The following COL22A1 variants were observed in gnomAD, a reference collection of about 807,000 sequenced individuals.
COL22A1 encodes collagen alpha-1(XXII) chain.
COL22A1 carries 221 observed loss-of-function variants against 248.9 expected under a neutral mutation model. The observed-to-expected ratio is 0.89, with a 90% CI of 0.80 to 0.99. The LOEUF (loss-of-function observed/expected upper bound fraction) is 0.99. COL22A1 is among the 50% of genes least tolerant of loss of function. The pLI, the probability that COL22A1 is intolerant of heterozygous loss-of-function variation, is 0.00. For synonymous variants in COL22A1, 891 were observed against 793.4 expected, an observed-to-expected ratio of 1.12 and a Z score of -2.07; for missense variants, 2,240 against 2,179.0, an observed-to-expected ratio of 1.03 and a Z score of -0.56.
chr8:138,895,138 C>G (rs1322645544), intron 1 of COL22A1, among the ~76,000 whole-genome samples: 1 of 151,628 alleles, frequency 6.6e-6, no homozygotes, highest in East Asian at 1.9e-4. Flanking sequence ...CAGCCAGGAG[C>G]TGAACATCTA....
chr8:138,896,640 A>C (rs2132134227), intron 1 of COL22A1, among the ~76,000 whole-genome samples: 1 of 152,344 alleles, frequency 6.6e-6, no homozygotes, highest in South Asian at 2.1e-4. Flanking sequence ...CCTTAAAAAG[A>C]AGCACACAAT....
intron 5 of COL22A1, among the ~76,000 whole-genome samples, chr8:138,830,548 C>T (rs1819962213): frequency 6.6e-6 from 1 of 152,108 alleles, no homozygotes. Context: ...TGTGGAAATT[C>T]CTCCTCAGAG....
At chr8:138,778,746 C>T (rs1235662138) in intron 14 of COL22A1, among the ~76,000 whole-genome samples, 1 of 152,238 alleles carries the variant, frequency 6.6e-6, no homozygotes, top group Middle Eastern at 3.2e-3. Context: ...TCGGCCTCCC[C>T]ATGACCTGGG....
At chr8:138,692,024 G>T (rs574207461) in intron 35 of COL22A1, among the ~76,000 whole-genome samples, 1 of 150,072 alleles carries the variant, frequency 6.7e-6, no homozygotes, top group Non-Finnish European at 1.5e-5. Flanking sequence ...GGAGGTGTAT[G>T]CATGCGCGTG....
intron 3 of COL22A1, among the ~76,000 whole-genome samples, chr8:138,873,907 A>C (rs1586937426): frequency 6.6e-6 from 1 of 152,232 alleles, no homozygotes; most frequent in South Asian, 2.1e-4. Flanking sequence ...ATCAAAAAAA[A>C]CCCTGATATT....
chr8:138,873,746 TTGAATGAA>T (rs377320261), intron 3 of COL22A1, among the ~76,000 whole-genome samples: 5 of 152,088 alleles, frequency 3.3e-5, no homozygotes, highest in African/African-American at 7.2e-5. Context: ...AATGTGCTTG[TTGAATGAA>T]TGAATGAATG....
chr8:138,780,954 A>AG lies in COL22A1; in HGVS notation c.1622dup (p.Gly542TrpfsTer23), dbSNP rs1563754947. 6.2e-7 allele frequency: 1 copy of AG among 1,611,880 alleles called. No homozygotes were observed. Among genetic ancestry groups the AG allele is most frequent in the Non-Finnish European group, 8.5e-7 (1 of 1,179,280 alleles). On this transcript the variant is annotated frameshift_variant, in exon 13 of 65. Coordinates refer to ENST00000303045, the MANE Select transcript of COL22A1 (RefSeq NM_152888.3). LOFTEE classifies it high-confidence loss of function. ...TCATGCCTTTGCTGCCGTCTCTCCC[A>AG]GGGGGGCCGGGCAGGCCCAGGGAAC...
chr8:138,802,478 T>C (rs549005992), intron 11 of COL22A1, among the ~76,000 whole-genome samples: 1 of 151,702 alleles, frequency 6.6e-6, no homozygotes, highest in South Asian at 2.1e-4. Flanking sequence ...TGAGAACTCA[T>C]GAGCCAAGCA....
intron 16 of COL22A1, among the ~76,000 whole-genome samples, chr8:138,765,763 C>T (rs1417464451): frequency 1.3e-5 from 2 of 152,212 alleles, no homozygotes; most frequent in African/African-American, 4.8e-5. Flanking sequence ...CAGGACCCAG[C>T]TCAGCTTCCT....
Position 138,724,820 on chromosome 8 carries a change from G to C in COL22A1, c.2194-152C>G, listed in dbSNP as rs1203280805. On this transcript the variant is annotated intron_variant, in intron 24 of 64. Transcript: ENST00000303045. ...CCTTGGTCATCCGCTGTGAAACGCG[G>C]AGTTGTTGCACCTCTGAAGTTGACA... The C allele has an allele frequency of 4.2e-6, 3 of 706,272 alleles. No homozygotes were observed. In the African/African-American group the frequency reaches 5.3e-5, roughly 12 times the overall value. 43.8% of individuals were successfully genotyped at this position (706,272 alleles called of 1,614,324 possible). A position where few individuals can be genotyped will look rare whatever the true frequency, so the allele number is the denominator to read the frequency against.
intron 45 of COL22A1, among the ~76,000 whole-genome samples, chr8:138,650,402 G>A (rs556079541): frequency 6.6e-6 from 1 of 152,282 alleles, no homozygotes; most frequent in South Asian, 2.1e-4. Context: ...CTTTAAGGCA[G>A]GTAAATATTG....
At chr8:138,625,547 G>C (rs1025707175) in intron 51 of COL22A1, among the ~76,000 whole-genome samples, 1 of 152,148 alleles carries the variant, frequency 6.6e-6, no homozygotes, top group African/African-American at 2.4e-5. Flanking sequence ...GAAAAGTTCA[G>C]GACAACATCT....
intron 3 of COL22A1, among the ~76,000 whole-genome samples, chr8:138,872,587 G>A (rs1163413608): frequency 6.6e-6 from 1 of 152,212 alleles, no homozygotes; most frequent in Non-Finnish European, 1.5e-5. Context: ...CAAAGCCTGG[G>A]GTGGAGAAAA....
At chr8:138,602,303 A>C in intron 59 of COL22A1, 144 bp from the exon 60 acceptor site, 76 of 627,684 alleles carry the variant, frequency 1.2e-4, no homozygotes, top group East Asian at 1.6e-4. Context: ...TTTCTGATTT[A>C]TGCCTACATG....
At chr8:138,715,361 G>A (rs1829345768) in intron 30 of COL22A1, among the ~76,000 whole-genome samples, 1 of 151,836 alleles carries the variant, frequency 6.6e-6, no homozygotes, top group Middle Eastern at 3.2e-3. Flanking sequence ...AGTTGCACAG[G>A]AGTTCAAGAC....
At chr8:138,671,805 AACT>A (rs1171254747) in intron 41 of COL22A1, among the ~76,000 whole-genome samples, 7 of 152,196 alleles carry the variant, frequency 4.6e-5, no homozygotes, top group African/African-American at 1.7e-4. Context: ...AAACAACACA[AACT>A]TACGGTATTG....
At chr8:138,649,927 G>A (rs369659665) in intron 45 of COL22A1, 149 bp from the exon 46 acceptor site, 9 of 560,930 alleles carry the variant, frequency 1.6e-5, no homozygotes, top group Middle Eastern at 4.6e-4. Context: ...CAGGTGGACT[G>A]AGTCATGATC....
intron 44 of COL22A1, among the ~76,000 whole-genome samples, chr8:138,657,647 G>A (rs544972220): frequency 6.6e-6 from 1 of 152,348 alleles, no homozygotes; most frequent in African/African-American, 2.4e-5. Context: ...GGTGGACTCA[G>A]GATATGGCAG....
At chr8:138,855,358 C>A (rs1180498518) in intron 3 of COL22A1, among the ~76,000 whole-genome samples, 1 of 152,196 alleles carries the variant, frequency 6.6e-6, no homozygotes, top group East Asian at 1.9e-4. Context: ...TCCAAAGTCA[C>A]AGGACGGGTA....
Sources: allele counts gnomAD v4.1 joint callset (sites outside exome capture counted in the v4.1 genomes callset), GRCh38; gene constraint gnomAD v4.1.1; transcripts MANE v1.5; gene names NCBI Gene and HGNC (gene_info 2026-07-23, HGNC 2026-07-21).